UGT1A4: variants seen among roughly 807,000 people sequenced by gnomAD.
The protein encoded by UGT1A4 is UDP glucuronosyltransferase family 1 member A4.
In UGT1A4, 32 loss-of-function variants were observed where a neutral mutation model predicts 41.1. The ratio of observed to expected loss-of-function variants is 0.78; its 90% CI spans 0.59 to 1.05. UGT1A4 has a LOEUF of 1.05. Among genes scored for constraint, UGT1A4 ranks in the 50% least tolerant of loss-of-function variants. The pLI is 0.00. For synonymous variants in UGT1A4, 283 were observed against 265.1 expected, an observed-to-expected ratio of 1.07 and a Z score of -0.66; for missense variants, 748 against 677.4, an observed-to-expected ratio of 1.10 and a Z score of -1.16.
intron 1 of UGT1A4, chr2:233,750,722 T>C (rs1694546738): frequency 6.6e-6 from 1 of 151,960 alleles, no homozygotes; most frequent in South Asian, 2.1e-4. Context: ...AGGCCATTGC[T>C]TCAGAGGGTG....
intron 4 of UGT1A4, 99 bp downstream of exon 4, chr2:233,768,538 C>T: frequency 1.5e-6 from 2 of 1,345,412 alleles, no homozygotes; most frequent in South Asian, 1.4e-5. Context: ...AGCGTTGTTT[C>T]AAATATAAAA....
intron 1 of UGT1A4, among the ~76,000 whole-genome samples, chr2:233,738,666 G>A (rs919948655): frequency 6.6e-6 from 1 of 152,198 alleles, no homozygotes; most frequent in Non-Finnish European, 1.5e-5. Flanking sequence ...GAACTTGAGA[G>A]AGATGATCTG....
intron 1 of UGT1A4, among the ~76,000 whole-genome samples, chr2:233,765,710 AT>A (rs1243221658): frequency 7.2e-6 from 1 of 138,280 alleles, no homozygotes; most frequent in East Asian, 2.2e-4. Context: ...AATAATAATA[AT>A]TAATAATAAT....
Position 233,725,255 on chromosome 2 carries a change from A to AGAGGCAGAG in UGT1A4, c.867+5579_867+5587dup, listed in dbSNP as rs1488139555. 3.1e-5 allele frequency among the ~76,000 whole-genome samples: 2 copies of AGAGGCAGAG among 63,970 alleles called. 1 individual carries two copies. The highest frequency in any genetic ancestry group is 5.4e-5 in the Non-Finnish European group (2 of 36,928). The allele number at this position is 63,970 out of a possible 152,430, so 42.0% of individuals were successfully genotyped here. A position where few individuals can be genotyped will look rare whatever the true frequency, so the allele number is the denominator to read the frequency against. ...CAGAGGAGGCAGAGGCAGAGGAGGC[A>AGAGGCAGAG]GAGGCAGAGGAGGCAGAGGCAGAGG... is the stretch of plus-strand genomic sequence containing the variant. On this transcript the variant is annotated intron_variant, in intron 1 of 4. Coordinates refer to ENST00000373409, the MANE Select transcript of UGT1A4 (RefSeq NM_007120.3).
intron 1 of UGT1A4, chr2:233,761,124 C>T: frequency 1.9e-6 from 3 of 1,614,202 alleles, no homozygotes; most frequent in Non-Finnish European, 2.5e-6. Context: ...GTGGAATCAA[C>T]TGCCTTCACC....
chr2:233,729,883 T>G (rs1220265805), intron 1 of UGT1A4: 1 of 1,613,824 alleles, frequency 6.2e-7, no homozygotes, highest in Non-Finnish European at 8.5e-7. Flanking sequence ...CAGTCATGCA[T>G]CTGTGTGGCT....
intron 1 of UGT1A4, among the ~76,000 whole-genome samples, chr2:233,761,362 C>T (rs1697754061): frequency 6.6e-6 from 1 of 152,198 alleles, no homozygotes. Flanking sequence ...GAAAGCATTC[C>T]TTGGACATTT....
At chr2:233,731,607 C>T (rs1360371440) in intron 1 of UGT1A4, among the ~76,000 whole-genome samples, 1 of 152,190 alleles carries the variant, frequency 6.6e-6, no homozygotes, top group Non-Finnish European at 1.5e-5. Context: ...CTGCAAAGGA[C>T]ATGAACTCAT....
Position 233,755,111 on chromosome 2 carries a change from G to A in UGT1A4, c.868-11923G>A, listed in dbSNP as rs41264157. 3,233 of 1,331,410 alleles carry A rather than the reference G, an allele frequency of 2.4e-3. 9 individuals carry two copies. Among genetic ancestry groups the A allele is most frequent in the Non-Finnish European group, 3.0e-3 (2,941 of 989,376 alleles). 82.5% of individuals were successfully genotyped at this position (1,331,410 alleles called of 1,614,324 possible). A position where few individuals can be genotyped will look rare whatever the true frequency, so the allele number is the denominator to read the frequency against. On this transcript the variant is annotated intron_variant, in intron 1 of 4. Coordinates refer to ENST00000373409, the MANE Select transcript of UGT1A4 (RefSeq NM_007120.3). ...GTTTCTACGCGTCCGACAACACCTC[G>A]TAGGCCTCAGCCACCTGCTTGAATC...
At chr2:233,743,962 C>G (rs189644754) in intron 1 of UGT1A4, 1 of 1,331,618 alleles carries the variant, frequency 7.5e-7, no homozygotes, top group Non-Finnish European at 1.0e-6. Flanking sequence ...CAGCGAGCGG[C>G]AAGGCTGCCA....
intron 1 of UGT1A4, among the ~76,000 whole-genome samples, chr2:233,738,330 C>T (rs1690764718): frequency 6.6e-6 from 1 of 152,132 alleles, no homozygotes; most frequent in Admixed American, 6.5e-5. Context: ...TGGACTAATA[C>T]AGTAAATTGG....
At chr2:233,760,415 T>A (rs2125983730) in intron 1 of UGT1A4, 1 of 1,614,208 alleles carries the variant, frequency 6.2e-7, no homozygotes, top group Non-Finnish European at 8.5e-7. Flanking sequence ...TGGCTGAGCA[T>A]GCTTGGGGCC....
At position 233,768,335 on chromosome 2, in the gene UGT1A4, T is replaced by C. The variant is rs754652167; in HGVS notation, c.1203T>C (p.Asn401=). 1.9e-6 allele frequency: 3 copies of C among 1,614,076 alleles called. No homozygotes were observed. The highest frequency in any genetic ancestry group is 2.5e-6 in the Non-Finnish European group (3 of 1,180,042). Residue 401 remains asparagine, a synonymous_variant, in exon 4 of 5, where the codon AAT becomes AAC. Transcript: ENST00000373409. ...CCTTGTTTGGTGATCAGATGGACAA[T>C]GCAAAGCGCATGGAGACTAAGGGAG... ...MMPLFGDQMD[N]AKRMETKGAG...
rs369139290 is a variant in UGT1A4, at chr2:233,718,874, C to T, written c.54C>T (p.Leu18=). Residue 18 remains leucine (L), a synonymous_variant, in exon 1 of 5, where the codon CTC becomes CTT. Transcript: ENST00000373409. ...PLPRLATGLL[L]LLSVQPWAES... is the part of the protein sequence containing the mutation. The stretch of plus-strand genomic sequence containing the variant: ...CGCGGCTGGCCACAGGACTGCTGCT[C>T]CTCCTCAGTGTCCAGCCCTGGGCTG... 2.2e-4 allele frequency: 356 copies of T among 1,613,870 alleles called. 2 individuals carry two copies. The highest frequency in any genetic ancestry group is 7.5e-4 in the Admixed American group (45 of 60,022).
intron 1 of UGT1A4, chr2:233,743,403 G>GC (rs1347422020): frequency 7.7e-7 from 1 of 1,297,134 alleles, no homozygotes; most frequent in African/African-American, 1.5e-5. Flanking sequence ...AGGAAGAAAG[G>GC]CCCCCACTTC....
Position 233,772,682 on chromosome 2 carries a change from G to T in UGT1A4, c.*123G>T. 2.0e-6 allele frequency: 3 copies of T among 1,494,758 alleles called. No individual in the cohort carries two copies. Among genetic ancestry groups the T allele is most frequent in the East Asian group, 2.5e-5 (1 of 40,656 alleles). 92.6% of individuals were successfully genotyped at this position (1,494,758 alleles called of 1,614,324 possible). A position where few individuals can be genotyped will look rare whatever the true frequency, so the allele number is the denominator to read the frequency against. ...GGAAATACTTTGCATAAATTAATCA[G>T]CCCCAGAGTGCTTTAAAAAATTCTC... On this transcript the variant is annotated 3_prime_UTR_variant, in exon 5 of 5. Coordinates refer to ENST00000373409, the MANE Select transcript of UGT1A4 (RefSeq NM_007120.3).
At chr2:233,729,661 G>T in intron 1 of UGT1A4, 1 of 1,613,902 alleles carries the variant, frequency 6.2e-7, no homozygotes, top group Non-Finnish European at 8.5e-7. Flanking sequence ...CATTCCATGT[G>T]ATTTAGACTT....
chr2:233,766,981 G>A, intron 1 of UGT1A4, 53 bp from the exon 2 acceptor site: 1 of 1,612,648 alleles, frequency 6.2e-7, no homozygotes, highest in Non-Finnish European at 8.5e-7. Flanking sequence ...ACTGTATGTA[G>A]TCATCAAAGA....
At chr2:233,729,870 T>A in intron 1 of UGT1A4, 1 of 1,613,848 alleles carries the variant, frequency 6.2e-7, no homozygotes, top group South Asian at 1.1e-5. Context: ...TGGTGGATAT[T>A]CTCAGTCATG....
Sources: gnomAD v4.1 joint callset for allele counts (sites outside exome capture counted in the v4.1 genomes callset) on GRCh38, gnomAD v4.1.1 for gene constraint, MANE v1.5 for transcripts, NCBI Gene and HGNC (gene_info 2026-07-23, HGNC 2026-07-21) for gene names.